The following ATP2B2 variants were observed in gnomAD, a reference collection of about 807,000 sequenced individuals.
The protein encoded by ATP2B2 is plasma membrane calcium-transporting ATPase 2.
Under a neutral mutation model 120.0 loss-of-function variants are expected in ATP2B2, and 15 were observed. The ratio of observed to expected loss-of-function variants is 0.12; its 90% CI spans 0.08 to 0.19. The LOEUF (loss-of-function observed/expected upper bound fraction) is 0.19, where lower values mean the gene tolerates loss of function less well. ATP2B2 is among the 10% of genes least tolerant of loss of function. The pLI is 1.00. For synonymous variants in ATP2B2, 694 were observed against 700.3 expected (o/e 0.99, Z 0.14); for missense variants, 1,045 against 1,719.8 (o/e 0.61, Z 6.94).
chr3:10,475,285 C>G (rs941447258), intron 1 of ATP2B2, among the ~76,000 whole-genome samples: 3 of 152,212 alleles, frequency 2.0e-5, no homozygotes, highest in Non-Finnish European at 4.4e-5. Context: ...AATCAAGTAG[C>G]ACATGGGGGA....
chr3:10,650,673 G>C (rs978145824), intron 1 of ATP2B2, among the ~76,000 whole-genome samples: 24 of 152,236 alleles, frequency 1.6e-4, no homozygotes, highest in Non-Finnish European at 3.2e-4. Context: ...AGGAGGAAAA[G>C]ATGGTTTTGT....
chr3:10,626,799 A>C (rs1267377760), intron 1 of ATP2B2: 1 of 152,018 alleles, frequency 6.6e-6, no homozygotes, highest in African/African-American at 2.4e-5. Context: ...GAGAGCTAGC[A>C]GAAAGTTCTC....
rs763438738 is a variant in ATP2B2 at position 10,400,981 on chromosome 3, G to A, written c.753C>T (p.Ser251=). ...LTGESDQVRK[S]VDKDPMLLSG... ...ACAGCAGCATGGGGTCCTTGTCCAC[G>A]GACTTGCGCACCTGGTCAGACTCTC... The change falls in exon 5 of 23, where the codon TCC becomes TCT. Residue 251 remains serine, a synonymous_variant. Transcript: ENST00000360273. 9.9e-6 allele frequency: 16 copies of A among 1,614,008 alleles called. No individual in the cohort carries two copies. Among genetic ancestry groups the A allele is most frequent in the East Asian group, 6.7e-5 (3 of 44,892 alleles).
rs1267187122 is a variant in ATP2B2 at position 10,340,352 on chromosome 3, G to A, written c.3130-3C>T. ...CCTCCAAACTGCACGATCACTATCT[G>A]GAGGTCACAGGGGAGCAGAGAAAGA... On this transcript the variant is annotated splice_polypyrimidine_tract_variant and splice_region_variant and intron_variant, in intron 20 of 22. Coordinates refer to ENST00000360273, the MANE Select transcript of ATP2B2 (RefSeq NM_001001331.4). The surrounding 1 kb of genome is among the most constrained non-coding windows in gnomAD (Gnocchi z 5.0). The A allele has an allele frequency of 6.2e-7, 1 of 1,614,010 alleles. No homozygotes were observed. The highest frequency in any genetic ancestry group is 8.5e-7 in the Non-Finnish European group (1 of 1,179,920).
At chr3:10,355,490 T>C (rs1220418287) in intron 14 of ATP2B2, among the ~76,000 whole-genome samples, 1 of 152,180 alleles carries the variant, frequency 6.6e-6, no homozygotes, top group African/African-American at 2.4e-5. Context: ...TATCGCTCTC[T>C]CTGGGGACGT....
At chr3:10,424,199 G>C (rs774469164) in intron 2 of ATP2B2, among the ~76,000 whole-genome samples, 6 of 152,214 alleles carry the variant, frequency 3.9e-5, no homozygotes, top group Non-Finnish European at 7.3e-5. Context: ...CTGTAAGATA[G>C]GGATTTTAAA....
At chr3:10,420,929 T>C (rs538986485) in intron 2 of ATP2B2, among the ~76,000 whole-genome samples, 53 of 152,290 alleles carry the variant, frequency 3.5e-4, no homozygotes, top group African/African-American at 1.3e-3. Context: ...GGCCCGGACC[T>C]TGGGAGTTAG....
At chr3:10,704,188 G>A (rs754102889) in intron 1 of ATP2B2, among the ~76,000 whole-genome samples, 8 of 152,242 alleles carry the variant, frequency 5.3e-5, no homozygotes, top group Non-Finnish European at 1.2e-4. Context: ...GGTTGGCCTC[G>A]CCATAACTGA....
In ATP2B2 at chr3:10,410,827, G is replaced by C; in HGVS notation, c.200-12C>G. On this transcript the variant is annotated splice_polypyrimidine_tract_variant and intron_variant, in intron 2 of 22. Transcript: ENST00000360273. Reference sequence around the variant, plus strand: ...GGTGCCCGGCAAACCTGTGGACAGAGAACAGAGAGGTTGGCTGGGGGCCTG... The same window carrying C: ...GGTGCCCGGCAAACCTGTGGACAGACAACAGAGAGGTTGGCTGGGGGCCTG... 6.2e-7 allele frequency: 1 copy of C among 1,612,884 alleles called. No individual in the cohort carries two copies. The highest frequency in any genetic ancestry group is 8.5e-7 in the Non-Finnish European group (1 of 1,179,996).
chr3:10,690,443 T>TCTAG (rs1326020924), intron 1 of ATP2B2, among the ~76,000 whole-genome samples: 1 of 150,540 alleles, frequency 6.6e-6, no homozygotes, highest in Non-Finnish European at 1.5e-5. Context: ...TATCTATCTA[T>TCTAG]CTATCTATCT....
chr3:10,666,608 G>A (rs1026717623), intron 1 of ATP2B2, among the ~76,000 whole-genome samples: 2 of 152,228 alleles, frequency 1.3e-5, no homozygotes, highest in African/African-American at 4.8e-5. Flanking sequence ...GCATACACCA[G>A]ATAAGGAAAC....
intron 2 of ATP2B2, among the ~76,000 whole-genome samples, chr3:10,437,781 T>G (rs892827709): frequency 6.6e-6 from 1 of 152,174 alleles, no homozygotes; most frequent in Non-Finnish European, 1.5e-5. Flanking sequence ...ATAGAGTCAT[T>G]GTAGAGATAG....
intron 2 of ATP2B2, among the ~76,000 whole-genome samples, chr3:10,579,882 G>A (rs1306846408): frequency 4.7e-5 from 7 of 147,786 alleles, no homozygotes; most frequent in African/African-American, 2.5e-5. Context: ...TCAAAGTGCC[G>A]CCCCACAGTT....
rs779753195 is a variant in ATP2B2 at position 10,410,756 on chromosome 3, T to C, written c.259A>G (p.Ile87Val). Residue 87 changes from isoleucine (I) to valine (V), a missense_variant, in exon 3 of 23, where the codon ATA becomes GTA. Ile to Val is a conservative substitution (Grantham distance 29, BLOSUM62 3). Around this residue, in one of 11 missense-constraint regions of ATP2B2, gnomAD observed 139 missense variants for 134.2 expected, o/e 1.04. Coordinates refer to ENST00000360273, the MANE Select transcript of ATP2B2 (RefSeq NM_001001331.4). ...AAGGTTTTTGGCTTCTTTGGAGGTA[T>C]AAAGTTTTGCCCAAAAATTTGCTTT... ...KRKQIFGQNF[I>V]PPKKPKTFLQ... 3 of 1,614,094 alleles carry C rather than the reference T, an allele frequency of 1.9e-6. No individual in the cohort carries two copies. The highest frequency in any genetic ancestry group is 4.5e-5 in the East Asian group (2 of 44,890).
intron 22 of ATP2B2, chr3:10,336,238 G>T: frequency 6.4e-7 from 1 of 1,550,616 alleles, no homozygotes; most frequent in African/African-American, 1.4e-5. Flanking sequence ...TGGTGACCGA[G>T]GACTGTCTCC....
chr3:10,619,443 C>A (rs1259211538), intron 2 of ATP2B2, among the ~76,000 whole-genome samples: 2 of 152,168 alleles, frequency 1.3e-5, no homozygotes, highest in Non-Finnish European at 2.9e-5. Flanking sequence ...ATTGAAAAAC[C>A]ATCTGATGGC....
At chr3:10,585,842 A>C (rs1242357924) in intron 2 of ATP2B2, among the ~76,000 whole-genome samples, 1 of 152,072 alleles carries the variant, frequency 6.6e-6, no homozygotes, top group African/African-American at 2.4e-5. Flanking sequence ...AGTGCCCTCA[A>C]AACTAACTTC....
chr3:10,547,855 A>G (rs1015961923), intron 2 of ATP2B2, among the ~76,000 whole-genome samples: 1 of 152,232 alleles, frequency 6.6e-6, no homozygotes, highest in Admixed American at 6.5e-5. Context: ...ACATTTGCTG[A>G]ACATGTTTCC....
chr3:10,481,916 T>C (rs1306187383), intron 1 of ATP2B2, among the ~76,000 whole-genome samples: 4 of 152,216 alleles, frequency 2.6e-5, no homozygotes, highest in African/African-American at 7.2e-5. Flanking sequence ...ACTTATTGTC[T>C]ATGTCCCTCC....
Sources: gnomAD v4.1 joint callset for allele counts (sites outside exome capture counted in the v4.1 genomes callset) on GRCh38, gnomAD v4.1.1 for gene constraint, gnomAD v4.1.1 regional missense constraint, Gnocchi (gnomAD v3.1) non-coding constraint, MANE v1.5 for transcripts, NCBI Gene and HGNC (gene_info 2026-07-23, HGNC 2026-07-21) for gene names.